The following EPHA6 variants were observed in gnomAD, a reference collection of about 807,000 sequenced individuals.
EPHA6 encodes the protein ephrin type-A receptor 6.
A neutral mutation model predicts 112.0 loss-of-function variants in EPHA6; 50 were observed. That is an observed-to-expected ratio of 0.45 (90% CI 0.36 to 0.56). The LOEUF (loss-of-function observed/expected upper bound fraction) is 0.56, where lower values mean the gene tolerates loss of function less well. Among genes scored for constraint, EPHA6 ranks in the 20% least tolerant of loss-of-function variants. EPHA6 has a pLI of 0.00. For missense variants in EPHA6, 1,280 were observed against 1,417.4 expected (o/e 0.90, Z 1.56); for synonymous variants, 529 against 490.7 (o/e 1.08, Z -1.03).
At chr3:96,945,318 T>C (rs1329013820) in intron 2 of EPHA6, among the ~76,000 whole-genome samples, 1 of 152,174 alleles carries the variant, frequency 6.6e-6, no homozygotes, top group Admixed American at 6.5e-5. Context: ...AAAACGGAAC[T>C]CCAGAGTTGA....
chr3:97,710,984 A>G (rs1355753213), intron 14 of EPHA6, among the ~76,000 whole-genome samples: 1 of 152,186 alleles, frequency 6.6e-6, no homozygotes, highest in Non-Finnish European at 1.5e-5. Flanking sequence ...TCATCCAACC[A>G]TGGATAGAGA....
At position 97,215,050 on chromosome 3, in the gene EPHA6, G is replaced by A. The variant is rs528268551; in HGVS notation, c.1115-11214G>A. ...CATGCAGGTTTATCTAAACTTACAG[G>A]CTATTGAACACCATGAGGGAAAAGC... On this transcript the variant is annotated intron_variant, in intron 3 of 17. Coordinates refer to ENST00000389672, the MANE Select transcript of EPHA6 (RefSeq NM_001080448.3). Among the ~76,000 whole-genome samples the A allele has an allele frequency of 2.0e-5, 3 of 152,250 alleles. No homozygotes were observed. The East Asian group carries it at 5.8e-4, about 29-fold the overall frequency.
At chr3:97,170,131 A>AC (rs1297990349) in intron 3 of EPHA6, among the ~76,000 whole-genome samples, 1 of 151,900 alleles carries the variant, frequency 6.6e-6, no homozygotes, top group African/African-American at 2.4e-5. Context: ...AAAGAAAAAA[A>AC]AAAAGCCAAA....
At chr3:97,100,375 T>C (rs2047368257) in intron 3 of EPHA6, among the ~76,000 whole-genome samples, 1 of 151,662 alleles carries the variant, frequency 6.6e-6, no homozygotes, top group Admixed American at 6.6e-5. Context: ...GGCAGACAAA[T>C]TAACAAAGAG....
chr3:97,338,005 G>T (rs1186068435), intron 5 of EPHA6, among the ~76,000 whole-genome samples: 1 of 152,078 alleles, frequency 6.6e-6, no homozygotes, highest in Admixed American at 6.6e-5. Context: ...TATCAAATGT[G>T]CATTTGGATA....
At chr3:97,259,284 A>G (rs2079419184) in intron 5 of EPHA6, among the ~76,000 whole-genome samples, 1 of 152,168 alleles carries the variant, frequency 6.6e-6, no homozygotes, top group Non-Finnish European at 1.5e-5. Flanking sequence ...TTTAGGCATA[A>G]CAATAAGAAT....
At chr3:97,579,820 T>C (rs923491128) in intron 11 of EPHA6, among the ~76,000 whole-genome samples, 2 of 152,206 alleles carry the variant, frequency 1.3e-5, no homozygotes, top group African/African-American at 4.8e-5. Context: ...TAAGATCAAG[T>C]GTAAATTTAC....
rs983458808 is a variant in EPHA6 at position 97,755,174 on chromosome 3, T to C, written c.*6473T>C. On this transcript the variant is annotated 3_prime_UTR_variant, in exon 18 of 18. Transcript: ENST00000389672. ...GACACAACTAATTCATTCCTCAGAATAACAAAGGTATTAAAGAAAAATCAC... is the reference window on the plus strand; with the variant it reads ...GACACAACTAATTCATTCCTCAGAACAACAAAGGTATTAAAGAAAAATCAC... 6.6e-6 allele frequency among the ~76,000 whole-genome samples: 1 copy of C among 152,142 alleles called. No homozygotes were observed. The highest frequency in any genetic ancestry group is 6.6e-5 in the Admixed American group (1 of 15,262).
At chr3:96,977,505 A>G (rs1454821801) in intron 2 of EPHA6, among the ~76,000 whole-genome samples, 2 of 152,328 alleles carry the variant, frequency 1.3e-5, no homozygotes, top group African/African-American at 2.4e-5. Context: ...CTTGTATTCT[A>G]TACATTTATA....
chr3:97,708,069 G>T (rs1467859395), intron 14 of EPHA6, among the ~76,000 whole-genome samples: 1 of 152,238 alleles, frequency 6.6e-6, no homozygotes, highest in East Asian at 1.9e-4. Context: ...CTAAAAATGT[G>T]AAAGCAACTT....
chr3:97,077,614 T>A (rs4857237), intron 3 of EPHA6, among the ~76,000 whole-genome samples: 46,643 of 148,362 alleles, frequency 0.31, 13,076 homozygotes, highest in African/African-American at 0.74. Context: ...TCATTGTTCA[T>A]TTCCCACCTA....
At chr3:97,469,309 G>A (rs6784670) in intron 7 of EPHA6, among the ~76,000 whole-genome samples, 28,920 of 151,384 alleles carry the variant, frequency 0.19, 4,192 homozygotes, top group African/African-American at 0.39. Flanking sequence ...TCTCTTTGTA[G>A]ATGCCTCCCC....
chr3:97,035,857 A>G (rs1269459038), intron 3 of EPHA6, among the ~76,000 whole-genome samples: 3 of 151,950 alleles, frequency 2.0e-5, no homozygotes, highest in African/African-American at 7.2e-5. Flanking sequence ...TGTGGACGGA[A>G]TGTATTTCCC....
At chr3:97,499,862 T>C (rs2092072403) in intron 10 of EPHA6, among the ~76,000 whole-genome samples, 1 of 152,158 alleles carries the variant, frequency 6.6e-6, no homozygotes. Flanking sequence ...TCCTGTACAC[T>C]ACTGTATGTA....
At chr3:97,137,860 T>C (rs1240797216) in intron 3 of EPHA6, among the ~76,000 whole-genome samples, 3 of 151,970 alleles carry the variant, frequency 2.0e-5, no homozygotes, top group Non-Finnish European at 4.4e-5. Flanking sequence ...TAAAAATAAA[T>C]AAATGTAATT....
intron 1 of EPHA6, among the ~76,000 whole-genome samples, chr3:96,855,586 G>A (rs953888524): frequency 7.2e-5 from 11 of 151,898 alleles, no homozygotes; most frequent in Admixed American, 7.2e-4. Context: ...TGTATCTGAA[G>A]CATAGAGGGA....
intron 5 of EPHA6, among the ~76,000 whole-genome samples, chr3:97,282,820 ACACCG>A (rs1392633490): frequency 2.0e-5 from 3 of 152,116 alleles, no homozygotes; most frequent in Non-Finnish European, 4.4e-5. Flanking sequence ...GGAACAACAC[ACACCG>A]GGGCCTATCA....
intron 2 of EPHA6, among the ~76,000 whole-genome samples, chr3:96,953,793 G>C (rs1011928450): frequency 6.6e-6 from 1 of 152,024 alleles, no homozygotes; most frequent in Non-Finnish European, 1.5e-5. Flanking sequence ...ATCCTGTCCA[G>C]TGAATCTTAA....
chr3:97,540,323 C>T (rs993692814), intron 11 of EPHA6, among the ~76,000 whole-genome samples: 17 of 152,128 alleles, frequency 1.1e-4, no homozygotes, highest in African/African-American at 3.4e-4. Flanking sequence ...AAACAGAAAA[C>T]GAACTAAGTG....
Sources: allele counts gnomAD v4.1 joint callset (sites outside exome capture counted in the v4.1 genomes callset), GRCh38; gene constraint gnomAD v4.1.1; transcripts MANE v1.5; gene names NCBI Gene and HGNC (gene_info 2026-07-23, HGNC 2026-07-21).